ME3: variants seen among roughly 807,000 people sequenced by gnomAD.
The protein encoded by ME3 is NADP-dependent malic enzyme, mitochondrial.
In ME3, 48 loss-of-function variants were observed where a neutral mutation model predicts 68.9. The ratio of observed to expected loss-of-function variants is 0.70; its 90% confidence interval spans 0.55 to 0.89. The LOEUF (loss-of-function observed/expected upper bound fraction) is 0.89. Ranked by LOEUF, ME3 falls within the 40% of genes least tolerant of loss-of-function variation. The pLI, the probability that ME3 is intolerant of heterozygous loss-of-function variation, is 0.00. For missense variants in ME3, 675 were observed against 797.4 expected (o/e 0.85, Z 1.85); for synonymous variants, 320 against 318.8 (o/e 1.00, Z -0.04).
At chr11:86,622,534 CA>C (rs985405425) in intron 2 of ME3, among the ~76,000 whole-genome samples, 3 of 151,980 alleles carry the variant, frequency 2.0e-5, no homozygotes, top group African/African-American at 7.3e-5. Context: ...ATATTTTTAT[CA>C]AGAGCTCAGA....
chr11:86,664,463 A>C (rs899268510), intron 2 of ME3, among the ~76,000 whole-genome samples: 4 of 152,232 alleles, frequency 2.6e-5, no homozygotes, highest in African/African-American at 9.6e-5. Flanking sequence ...TCAATTATTT[A>C]CAACATGCCT....
chr11:86,651,134 G>GGCCT (rs1247083090), intron 2 of ME3, among the ~76,000 whole-genome samples: 1 of 152,234 alleles, frequency 6.6e-6, no homozygotes, highest in Admixed American at 6.5e-5. Flanking sequence ...AGCTCAAGGA[G>GGCCT]GCCTGCCTGC....
chr11:86,511,580 G>C (rs1430016178), intron 4 of ME3, among the ~76,000 whole-genome samples: 2 of 152,178 alleles, frequency 1.3e-5, no homozygotes, highest in African/African-American at 4.8e-5. Context: ...TTTGAAGCAA[G>C]TGTGATAATA....
At chr11:86,534,081 G>GTGTGTATA (rs1361825219) in intron 4 of ME3, among the ~76,000 whole-genome samples, 3 of 127,520 alleles carry the variant, frequency 2.4e-5, no homozygotes, top group African/African-American at 9.6e-5. Context: ...GTGTGTGTGT[G>GTGTGTATA]TATATATATA....
chr11:86,455,886 A>ACCTT (rs10653582), intron 8 of ME3, among the ~76,000 whole-genome samples: 45,457 of 152,004 alleles, frequency 0.3, 7,027 homozygotes, highest in South Asian at 0.37. Flanking sequence ...TTAAATAAGT[A>ACCTT]TTTAAATCAC....
In ME3 at chr11:86,560,770, A is replaced by ATATATATATATATT. The variant is rs1405684410; in HGVS notation, c.184-948_184-947insAATATATATATATA. ...TGTGTATATATATATATATATATAT[A>ATATATATATATATT]TATTTCCAGGACCCATCCAGGATCT... On this transcript the variant is annotated intron_variant, in intron 2 of 14. Coordinates refer to ENST00000543262, the Ensembl canonical transcript of ME3. Among the ~76,000 whole-genome samples, 97 of 132,122 alleles carry ATATATATATATATT rather than the reference A, an allele frequency of 7.3e-4. 1 individual carries two copies. The highest frequency in any genetic ancestry group is 1.3e-3 in the Non-Finnish European group (82 of 61,298). The allele number at this position is 132,122 out of a possible 152,430, so 86.7% of individuals were successfully genotyped here. A position where few individuals can be genotyped will look rare whatever the true frequency, so the allele number is the denominator to read the frequency against.
intron 4 of ME3, 45 bp downstream of exon 4, chr11:86,556,508 C>T (rs1335406420): frequency 1.3e-5 from 21 of 1,591,032 alleles, no homozygotes; most frequent in Non-Finnish European, 1.6e-5. Flanking sequence ...TTATTCCCCT[C>T]TATGAGGCAG....
At chr11:86,565,972 C>G (rs1594472707) in intron 2 of ME3, among the ~76,000 whole-genome samples, 1 of 152,306 alleles carries the variant, frequency 6.6e-6, no homozygotes, top group East Asian at 1.9e-4. Flanking sequence ...CACCTTTATC[C>G]CAAGATGAGA....
chr11:86,495,023 G>A (rs752519), intron 6 of ME3, among the ~76,000 whole-genome samples: 3 of 152,124 alleles, frequency 2.0e-5, no homozygotes, highest in South Asian at 2.1e-4. Flanking sequence ...TTTGAATAAT[G>A]TTCTAAATTC....
intron 4 of ME3, among the ~76,000 whole-genome samples, chr11:86,523,445 C>T (rs1187250770): frequency 6.6e-6 from 1 of 152,218 alleles, no homozygotes; most frequent in South Asian, 2.1e-4. Context: ...AACACTAAGC[C>T]CTATAGAAGA....
At chr11:86,542,914 G>A (rs543433095) in intron 4 of ME3, among the ~76,000 whole-genome samples, 1 of 152,312 alleles carries the variant, frequency 6.6e-6, no homozygotes, top group South Asian at 2.1e-4. Flanking sequence ...GAAATGTCAG[G>A]TTACCCATAA....
intron 4 of ME3, among the ~76,000 whole-genome samples, chr11:86,556,099 G>T (rs1165873302): frequency 1.3e-5 from 2 of 152,146 alleles, no homozygotes; most frequent in East Asian, 3.8e-4. Context: ...ATTTAAAGTG[G>T]AATCTGAGTC....
chr11:86,501,063 G>A (rs1474233119), intron 5 of ME3, among the ~76,000 whole-genome samples: 1 of 152,004 alleles, frequency 6.6e-6, no homozygotes, highest in Non-Finnish European at 1.5e-5. Flanking sequence ...TTAATGGCAG[G>A]TGCTTTGGAG....
rs376686511 is a variant in ME3, at chr11:86,568,412, G to A, written c.184-8589C>T. Among the ~76,000 whole-genome samples the A allele has an allele frequency of 7.2e-5, 11 of 152,310 alleles. No individual in the cohort carries two copies. In the East Asian group the frequency reaches 9.6e-4, roughly 13 times the overall value. The stretch of plus-strand genomic sequence containing the variant: ...AGCACTAAAGACCTGTGACCATTTC[G>A]ACTGGTCAGTGCTTATGCCGAACCA... On this transcript the variant is annotated intron_variant, in intron 2 of 14. Coordinates refer to ENST00000543262, the Ensembl canonical transcript of ME3.
chr11:86,515,137 A>G (rs1953803918), intron 4 of ME3, among the ~76,000 whole-genome samples: 1 of 152,186 alleles, frequency 6.6e-6, no homozygotes, highest in Non-Finnish European at 1.5e-5. Flanking sequence ...AAATATAAGG[A>G]TCTTTGGTGA....
At chr11:86,644,938 T>G (rs1249501092) in intron 2 of ME3, among the ~76,000 whole-genome samples, 1 of 152,148 alleles carries the variant, frequency 6.6e-6, no homozygotes, top group Non-Finnish European at 1.5e-5. Context: ...GGGCATCGCC[T>G]CACCTGGGAA....
chr11:86,542,681 G>A (rs185569985), intron 4 of ME3, among the ~76,000 whole-genome samples: 1 of 152,334 alleles, frequency 6.6e-6, no homozygotes, highest in Non-Finnish European at 1.5e-5. Flanking sequence ...TGTTTGATTG[G>A]TGTACCTGAA....
chr11:86,587,313 T>G (rs530198970), intron 2 of ME3, among the ~76,000 whole-genome samples: 26 of 152,336 alleles, frequency 1.7e-4, no homozygotes, highest in Admixed American at 1.2e-3. Context: ...GAGACCATTT[T>G]CATCAGGCCT....
intron 4 of ME3, among the ~76,000 whole-genome samples, chr11:86,514,881 A>G (rs1487364198): frequency 1.3e-5 from 2 of 152,104 alleles, no homozygotes; most frequent in Admixed American, 6.5e-5. Context: ...TGGGCTCGGG[A>G]GTCAGATCGC....
Sources: allele counts gnomAD v4.1 joint callset (sites outside exome capture counted in the v4.1 genomes callset), GRCh38; gene constraint gnomAD v4.1.1; transcripts MANE v1.5; gene names NCBI Gene and HGNC (gene_info 2026-07-23, HGNC 2026-07-21).